ASB18: variants seen among roughly 807,000 people sequenced by gnomAD.
The protein encoded by ASB18 is ankyrin repeat and SOCS box protein 18.
ASB18 carries 33 observed loss-of-function variants against 33.4 expected under a neutral mutation model. The ratio of observed to expected loss-of-function variants is 0.99; its 90% CI spans 0.75 to 1.32. ASB18 has a LOEUF of 1.32. ASB18 is among the 40% of genes most tolerant of loss of function. ASB18 has a pLI of 0.00. For synonymous variants in ASB18, 295 were observed against 307.6 expected, an observed-to-expected ratio of 0.96 and a Z score of 0.43; for missense variants, 694 against 655.5, an observed-to-expected ratio of 1.06 and a Z score of -0.64.
chr2:236,198,371 T>G (rs1300102149), intron 4 of ASB18, among the ~76,000 whole-genome samples: 1 of 152,088 alleles, frequency 6.6e-6, no homozygotes, highest in Non-Finnish European at 1.5e-5. Context: ...GCAATTATCC[T>G]TTTTTCTTTT....
At chr2:236,201,128 T>TTCCTTCCC (rs1446562539) in intron 4 of ASB18, among the ~76,000 whole-genome samples, 1 of 151,578 alleles carries the variant, frequency 6.6e-6, no homozygotes, top group African/African-American at 2.4e-5. Flanking sequence ...CCCTCCTTCC[T>TTCCTTCCC]TCCTTCCCTC....
At chr2:236,201,555 C>G (rs1433743138) in intron 4 of ASB18, among the ~76,000 whole-genome samples, 1 of 152,072 alleles carries the variant, frequency 6.6e-6, no homozygotes, top group Non-Finnish European at 1.5e-5. Flanking sequence ...AATGAACAGA[C>G]TTTTTACTAT....
In ASB18 at chr2:236,264,010, T is replaced by C. The variant is rs564268728; in HGVS notation, c.205+131A>G. On this transcript the variant is annotated intron_variant, in intron 1 of 5. Transcript: ENST00000409749. This position sits in a 1 kb window ranked among gnomAD's most constrained non-coding sequence, Gnocchi z 5.1. ...CAGTACACATATATGCATGTATGTA[T>C]GAGAGTCAGATATCCGAGTACATAT... The C allele has an allele frequency of 8.2e-6, 6 of 731,692 alleles. No homozygotes were observed. The highest frequency in any genetic ancestry group is 1.4e-5 in the Non-Finnish European group (6 of 431,006). The allele number at this position is 731,692 out of a possible 1,614,324, so 45.3% of individuals were successfully genotyped here. A position where few individuals can be genotyped will look rare whatever the true frequency, so the allele number is the denominator to read the frequency against.
At chr2:236,218,324 C>T (rs1323014222) in intron 3 of ASB18, among the ~76,000 whole-genome samples, 1 of 151,366 alleles carries the variant, frequency 6.6e-6, no homozygotes, top group Non-Finnish European at 1.5e-5. Context: ...AAAGAAACAA[C>T]AAATTGACTG....
intron 4 of ASB18, among the ~76,000 whole-genome samples, chr2:236,210,216 G>T (rs1361625409): frequency 6.6e-6 from 1 of 152,196 alleles, no homozygotes; most frequent in Non-Finnish European, 1.5e-5. Flanking sequence ...CAAAATGTTT[G>T]TTGAATGAAT....
At chr2:236,212,038 G>C (rs150875797) in intron 4 of ASB18, among the ~76,000 whole-genome samples, 1 of 152,140 alleles carries the variant, frequency 6.6e-6, no homozygotes, top group African/African-American at 2.4e-5. Flanking sequence ...GGGAGGCAGC[G>C]GTGGGCAACG....
At position 236,219,964 on chromosome 2, in the gene ASB18, G is replaced by A. The variant is rs887055189; in HGVS notation, c.597-5098C>T. Reference sequence around the variant, plus strand: ...AAGGAGACACCATGTTGTCTCAACAGCTTCTGATATGAAGCAACTTGGACA... The same window carrying A: ...AAGGAGACACCATGTTGTCTCAACAACTTCTGATATGAAGCAACTTGGACA... On this transcript the variant is annotated intron_variant, in intron 3 of 5. Transcript: ENST00000409749. The surrounding 1 kb of genome is among the most constrained non-coding windows in gnomAD (Gnocchi z 6.4). Among the ~76,000 whole-genome samples the A allele has an allele frequency of 6.6e-6, 1 of 152,196 alleles. No homozygotes were observed. Among genetic ancestry groups the A allele is most frequent in the African/African-American group, 2.4e-5 (1 of 41,450 alleles).
chr2:236,216,773 C>T lies in ASB18; in HGVS notation c.597-1907G>A, dbSNP rs1166671704. Reference sequence around the variant, plus strand: ...GTGCCTGCCAACAACCCCACCACTCCCCCTGCCTGCTGGGCGAAGCCCACA... The same window carrying T: ...GTGCCTGCCAACAACCCCACCACTCTCCCTGCCTGCTGGGCGAAGCCCACA... On this transcript the variant is annotated intron_variant, in intron 3 of 5. Coordinates refer to ENST00000409749, the MANE Select transcript of ASB18 (RefSeq NM_212556.4). This position sits in a 1 kb window ranked among gnomAD's most constrained non-coding sequence, Gnocchi z 6.1. Among the ~76,000 whole-genome samples the T allele has an allele frequency of 6.6e-6, 1 of 152,214 alleles. No homozygotes were observed. The highest frequency in any genetic ancestry group is 1.5e-5 in the Non-Finnish European group (1 of 68,034).
rs1312046673 is a variant in ASB18, at chr2:236,247,783, T to C, written c.206-6381A>G. 3.9e-5 allele frequency: 6 copies of C among 152,330 alleles called. No individual in the cohort carries two copies. The East Asian group carries it at 1.2e-3, about 29-fold the overall frequency. 9.4% of individuals were successfully genotyped at this position (152,330 alleles called of 1,614,324 possible). A position where few individuals can be genotyped will look rare whatever the true frequency, so the allele number is the denominator to read the frequency against. ...GTTGCTGAACAATTGTCAAAGTCTT[T>C]GAGGAATTGTGATAAAACAAAAGAA... is the stretch of plus-strand genomic sequence containing the variant. On this transcript the variant is annotated intron_variant, in intron 1 of 5. Transcript: ENST00000409749.
intron 4 of ASB18, among the ~76,000 whole-genome samples, chr2:236,201,265 C>T (rs568202980): frequency 1.3e-5 from 2 of 152,280 alleles, no homozygotes; most frequent in South Asian, 4.1e-4. Flanking sequence ...GAACCTCCCA[C>T]CTCAGCCTCC....
rs1232415129 is a variant in ASB18 at position 236,195,577 on chromosome 2, G to T, written c.1216-520C>A. Among the ~76,000 whole-genome samples the T allele has an allele frequency of 6.6e-6, 1 of 151,190 alleles. No homozygotes were observed. Among genetic ancestry groups the T allele is most frequent in the East Asian group, 1.9e-4 (1 of 5,142 alleles). ...GTCACCCAGGCTGGAGTGCAGTGGC[G>T]TGATCCCAGCTTATTGCACTCTCTG... On this transcript the variant is annotated intron_variant, in intron 5 of 5. Transcript: ENST00000409749. The surrounding 1 kb of genome is among the most constrained non-coding windows in gnomAD (Gnocchi z 5.5).
In ASB18 at chr2:236,195,333, A is replaced by G. The variant is rs1367151055; in HGVS notation, c.1216-276T>C. Among the ~76,000 whole-genome samples the G allele has an allele frequency of 6.6e-6, 1 of 151,988 alleles. No homozygotes were observed. Among genetic ancestry groups the G allele is most frequent in the African/African-American group, 2.4e-5 (1 of 41,366 alleles). On this transcript the variant is annotated intron_variant, in intron 5 of 5. Coordinates refer to ENST00000409749, the MANE Select transcript of ASB18 (RefSeq NM_212556.4). This position sits in a 1 kb window ranked among gnomAD's most constrained non-coding sequence, Gnocchi z 5.5. ...GTCTCCCCGAATTCCGTTTTGCTCCATCCTCTTTGCACAGCAGCCCTACAG... is the reference window on the plus strand; with the variant it reads ...GTCTCCCCGAATTCCGTTTTGCTCCGTCCTCTTTGCACAGCAGCCCTACAG...
rs1402389669 is a variant in ASB18 at position 236,241,569 on chromosome 2, T to C, written c.206-167A>G. The C allele has an allele frequency of 2.6e-6, 2 of 775,672 alleles. No individual in the cohort carries two copies. The highest frequency in any genetic ancestry group is 4.1e-5 in the Admixed American group (2 of 49,270). 48.0% of individuals were successfully genotyped at this position (775,672 alleles called of 1,614,324 possible). A position where few individuals can be genotyped will look rare whatever the true frequency, so the allele number is the denominator to read the frequency against. The stretch of plus-strand genomic sequence containing the variant: ...AGTTCTTCAGGAACGGGAAAGATGG[T>C]CTTATGGAGTGTGAGCTATTTCTAT... On this transcript the variant is annotated intron_variant, in intron 1 of 5. Transcript: ENST00000409749. The surrounding 1 kb of genome is among the most constrained non-coding windows in gnomAD (Gnocchi z 4.2).
At chr2:236,246,290 T>C (rs954946888) in intron 1 of ASB18, among the ~76,000 whole-genome samples, 14 of 120,836 alleles carry the variant, frequency 1.2e-4, no homozygotes, top group African/African-American at 4.4e-4. Flanking sequence ...TGGGAGGCAG[T>C]GGGCTGAGAT....
At position 236,196,466 on chromosome 2, in the gene ASB18, GA is replaced by G; in HGVS notation, c.1102-82del. ...GGGGAAAGGGTGGGGGGTGTGGGGGGATGCTCTCCCTAGCTGTGTGACCTCC... is the reference window on the plus strand; with the variant it reads ...GGGGAAAGGGTGGGGGGTGTGGGGGGTGCTCTCCCTAGCTGTGTGACCTCC... On this transcript the variant is annotated intron_variant, in intron 4 of 5. Coordinates refer to ENST00000409749, the MANE Select transcript of ASB18 (RefSeq NM_212556.4). The surrounding 1 kb of genome is among the most constrained non-coding windows in gnomAD (Gnocchi z 5.6). 1 of 745,764 alleles carries G rather than the reference GA, an allele frequency of 1.3e-6. No homozygotes were observed. Among genetic ancestry groups the G allele is most frequent in the Non-Finnish European group, 2.4e-6 (1 of 422,264 alleles). 46.2% of individuals were successfully genotyped at this position (745,764 alleles called of 1,614,324 possible). A position where few individuals can be genotyped will look rare whatever the true frequency, so the allele number is the denominator to read the frequency against.
Position 236,214,562 on chromosome 2 carries a change from A to C in ASB18, c.901T>G (p.Cys301Gly), listed in dbSNP as rs1489972644. The C allele has an allele frequency of 4.3e-6, 6 of 1,390,570 alleles. No homozygotes were observed. 86.1% of individuals were successfully genotyped at this position (1,390,570 alleles called of 1,614,324 possible). Reference protein sequence around the residue: ...EDERSPLHKACGHASHSLARL... With the variant: ...EDERSPLHKAGGHASHSLARL... ...GCCAGGCTGTGGCTCGCGTGGCCGC[A>C]GGCTTTGTGCAGCGGGCTGCGCTCG... Residue 301 changes from cysteine (C) to glycine (G), a missense_variant, in exon 4 of 6, where the codon TGC (cysteine) becomes GGC (glycine). By Grantham distance (159) the Cys-to-Gly change is radical. Coordinates refer to ENST00000409749, the MANE Select transcript of ASB18 (RefSeq NM_212556.4). This position sits in a 1 kb window ranked among gnomAD's most constrained non-coding sequence, Gnocchi z 6.5.
intron 3 of ASB18, among the ~76,000 whole-genome samples, chr2:236,236,749 G>A (rs1280762831): frequency 1.9e-4 from 29 of 151,616 alleles, no homozygotes; most frequent in African/African-American, 6.6e-4. Flanking sequence ...AACTTTGACA[G>A]TCGGTGGAGA....
rs2060597506 is a variant in ASB18 at position 236,237,350 on chromosome 2, GGGGCGCGGGGCGGGGGCCGGGGC to G, written c.596+316_596+338del. On this transcript the variant is annotated intron_variant, in intron 3 of 5. Coordinates refer to ENST00000409749, the MANE Select transcript of ASB18 (RefSeq NM_212556.4). This position sits in a 1 kb window ranked among gnomAD's most constrained non-coding sequence, Gnocchi z 6.2. ...AATTAAACCCGCGGGGGCCGGGGCCGGGGCGCGGGGCGGGGGCCGGGGCCGGGGCGCGGGGCGGGGGCCGGGGC... is the reference window on the plus strand; with the variant it reads ...AATTAAACCCGCGGGGGCCGGGGCCGCGGGGCGCGGGGCGGGGGCCGGGGC... 1.7e-5 allele frequency among the ~76,000 whole-genome samples: 1 copy of G among 57,158 alleles called. No individual in the cohort carries two copies. The highest frequency in any genetic ancestry group is 5.7e-5 in the African/African-American group (1 of 17,688). The allele number at this position is 57,158 out of a possible 152,430, so 37.5% of individuals were successfully genotyped here. A position where few individuals can be genotyped will look rare whatever the true frequency, so the allele number is the denominator to read the frequency against.
Position 236,234,669 on chromosome 2 carries a change from G to C in ASB18, c.596+3020C>G, listed in dbSNP as rs1364528519. Among the ~76,000 whole-genome samples, 1 of 152,220 alleles carries C rather than the reference G, an allele frequency of 6.6e-6. No individual in the cohort carries two copies. The highest frequency in any genetic ancestry group is 1.5e-5 in the Non-Finnish European group (1 of 68,044). ...GTGCAAAGACCGTTTGGTGGAGAAA[G>C]GAAGGGTTTAGATTCACAAATACTT... On this transcript the variant is annotated intron_variant, in intron 3 of 5. Coordinates refer to ENST00000409749, the MANE Select transcript of ASB18 (RefSeq NM_212556.4). This position sits in a 1 kb window ranked among gnomAD's most constrained non-coding sequence, Gnocchi z 4.1.
Sources: gnomAD v4.1 joint callset for allele counts (sites outside exome capture counted in the v4.1 genomes callset) on GRCh38, gnomAD v4.1.1 for gene constraint, Gnocchi (gnomAD v3.1) non-coding constraint, MANE v1.5 for transcripts, NCBI Gene and HGNC (gene_info 2026-07-23, HGNC 2026-07-21) for gene names.